ACBD6: variants seen among roughly 807,000 people sequenced by gnomAD.
ACBD6 encodes the protein acyl-CoA binding domain containing 6, also known as acyl-CoA-binding domain-containing protein 6.
In ACBD6, 28 loss-of-function variants were observed where a neutral mutation model predicts 37.2. The observed-to-expected ratio is 0.75, with a 90% CI of 0.56 to 1.03. ACBD6 has a LOEUF of 1.03. Among genes scored for constraint, ACBD6 ranks in the 50% least tolerant of loss-of-function variants. The probability of loss-of-function intolerance (pLI) is 0.00; values close to 1 mark genes in which losing one functional copy is unlikely to be tolerated. For missense variants in ACBD6, 340 were observed against 337.4 expected (o/e 1.01, Z -0.06); for synonymous variants, 113 against 126.8 (o/e 0.89, Z 0.73).
At chr1:180,465,316 C>G (rs1374524899) in intron 3 of ACBD6, among the ~76,000 whole-genome samples, 2 of 151,982 alleles carry the variant, frequency 1.3e-5, no homozygotes, top group African/African-American at 4.8e-5. Context: ...AACAGATCAA[C>G]AAGCGAAAAA....
intron 6 of ACBD6, among the ~76,000 whole-genome samples, chr1:180,361,542 C>T (rs1368823860): frequency 6.6e-6 from 1 of 152,144 alleles, no homozygotes; most frequent in Non-Finnish European, 1.5e-5. Flanking sequence ...AGTGATGCTT[C>T]TCTGTTGAGC....
At chr1:180,407,153 A>G (rs1438440359) in intron 5 of ACBD6, among the ~76,000 whole-genome samples, 2 of 152,268 alleles carry the variant, frequency 1.3e-5, no homozygotes, top group East Asian at 3.8e-4. Flanking sequence ...GTTTGCCATC[A>G]GTATTCAAAG....
At chr1:180,456,794 G>A (rs974976474) in intron 3 of ACBD6, among the ~76,000 whole-genome samples, 1 of 151,776 alleles carries the variant, frequency 6.6e-6, no homozygotes, top group Non-Finnish European at 1.5e-5. Flanking sequence ...CATGATCAGG[G>A]CTCACTGCAG....
intron 6 of ACBD6, among the ~76,000 whole-genome samples, chr1:180,377,718 T>C (rs1391176889): frequency 2.0e-5 from 3 of 151,924 alleles, no homozygotes; most frequent in Non-Finnish European, 2.9e-5. Flanking sequence ...GAGGCCAAGG[T>C]GGGTGGATCA....
chr1:180,296,453 A>G (rs1305928837), intron 7 of ACBD6, among the ~76,000 whole-genome samples: 1 of 152,160 alleles, frequency 6.6e-6, no homozygotes, highest in Non-Finnish European at 1.5e-5. Flanking sequence ...TCTATTAGAC[A>G]GAGTTTCACT....
Position 180,356,922 on chromosome 1 carries a change from T to A in ACBD6, c.663+40594A>T, listed in dbSNP as rs536840820. On this transcript the variant is annotated intron_variant, in intron 6 of 7. Coordinates refer to ENST00000367595, the MANE Select transcript of ACBD6 (RefSeq NM_032360.4). ...TTATATATTATAATCTAATTCCTTA[T>A]GGTTACACTTCTATCATAACCATTA... Among the ~76,000 whole-genome samples the A allele has an allele frequency of 5.3e-5, 8 of 151,978 alleles. No individual in the cohort carries two copies. In the East Asian group the frequency reaches 1.5e-3, roughly 29 times the overall value.
intron 6 of ACBD6, among the ~76,000 whole-genome samples, chr1:180,329,322 G>A (rs1558251997): frequency 6.6e-6 from 1 of 152,276 alleles, no homozygotes; most frequent in East Asian, 1.9e-4. Context: ...TGTTGAGTTT[G>A]ATTTTTGTCT....
chr1:180,316,484 T>C (rs577721499), intron 6 of ACBD6, among the ~76,000 whole-genome samples: 18 of 152,254 alleles, frequency 1.2e-4, no homozygotes, highest in Non-Finnish European at 2.2e-4. Context: ...GCATCCATCA[T>C]GCAAGGTTGT....
intron 4 of ACBD6, 83 bp from the exon 5 acceptor site, chr1:180,413,554 A>T (rs1571475884): frequency 9.0e-7 from 1 of 1,109,616 alleles, no homozygotes; most frequent in East Asian, 2.4e-5. Flanking sequence ...TTTGCTGCTG[A>T]CATAGATGTT....
intron 10 of ACBD6, chr1:180,274,610 CT>C (rs1192772938): frequency 1.3e-6 from 2 of 1,526,260 alleles, no homozygotes; most frequent in African/African-American, 2.7e-5. Context: ...ACCTGCCCCC[CT>C]GGCTTGAGAG....
rs1654098107 is a variant in ACBD6, at chr1:180,392,065, A to G, written c.663+5451T>C. 2.6e-5 allele frequency among the ~76,000 whole-genome samples: 4 copies of G among 152,214 alleles called. 1 individual carries two copies. The highest frequency in any genetic ancestry group is 2.6e-4 in the Admixed American group (4 of 15,282). On this transcript the variant is annotated intron_variant, in intron 6 of 7. Transcript: ENST00000367595. ...AATCCAAAAGTATATATACTTTATT[A>G]TTCCAAATATTTGAATTTTAAGAAG...
chr1:180,455,782 T>A (rs1649892405), intron 3 of ACBD6, among the ~76,000 whole-genome samples: 1 of 152,184 alleles, frequency 6.6e-6, no homozygotes, highest in East Asian at 1.9e-4. Context: ...ATACACTTTT[T>A]AAAAAATACC....
intron 2 of ACBD6, among the ~76,000 whole-genome samples, chr1:180,494,266 T>C (rs1166483258): frequency 6.6e-6 from 1 of 152,070 alleles, no homozygotes; most frequent in Non-Finnish European, 1.5e-5. Flanking sequence ...GGCTATAAAA[T>C]CTAAATTTTT....
chr1:180,467,448 C>CAAAAAAAAAAAAAAAAAA (rs57941230), intron 3 of ACBD6, among the ~76,000 whole-genome samples: 2 of 72,536 alleles, frequency 2.8e-5, no homozygotes, highest in Non-Finnish European at 4.8e-5. Context: ...TCCATCTCTG[C>CAAAAAAAAAAAAAAAAAA]AAAAAAAAAA....
At chr1:180,307,201 G>C (rs1253904027) in intron 7 of ACBD6, among the ~76,000 whole-genome samples, 1 of 152,172 alleles carries the variant, frequency 6.6e-6, no homozygotes, top group East Asian at 1.9e-4. Context: ...TCTGTCATCT[G>C]CAACAACATA....
chr1:180,317,527 AAAAG>A (rs1175528502), intron 6 of ACBD6, among the ~76,000 whole-genome samples: 1 of 152,238 alleles, frequency 6.6e-6, no homozygotes, highest in Non-Finnish European at 1.5e-5. Flanking sequence ...ACCACAATAA[AAAAG>A]AAAGAAAATT....
intron 6 of ACBD6, among the ~76,000 whole-genome samples, chr1:180,392,460 C>T (rs1415880014): frequency 6.6e-6 from 1 of 152,062 alleles, no homozygotes; most frequent in Non-Finnish European, 1.5e-5. Flanking sequence ...GAAATATATA[C>T]AAATTTTACA....
At chr1:180,289,001 A>G (rs568702443) in intron 7 of ACBD6, among the ~76,000 whole-genome samples, 63 of 151,744 alleles carry the variant, frequency 4.2e-4, no homozygotes, top group Admixed American at 3.9e-4. Flanking sequence ...TTTAAAAAAA[A>G]GCTGGCCCAG....
At chr1:180,489,179 A>G (rs988351482) in intron 3 of ACBD6, among the ~76,000 whole-genome samples, 1 of 152,144 alleles carries the variant, frequency 6.6e-6, no homozygotes, top group Non-Finnish European at 1.5e-5. Flanking sequence ...AAAATAAAAA[A>G]AAACTCAGCA....
Sources: allele counts gnomAD v4.1 joint callset (sites outside exome capture counted in the v4.1 genomes callset), GRCh38; gene constraint gnomAD v4.1.1; transcripts MANE v1.5; gene names NCBI Gene and HGNC (gene_info 2026-07-23, HGNC 2026-07-21).